The following NBPF15 variants were observed in gnomAD, a reference collection of about 807,000 sequenced individuals.
NBPF15 encodes NBPF member 15, also known as NBPF family member NBPF15.
NBPF15 carries 74 observed loss-of-function variants against 62.2 expected under a neutral mutation model. The observed-to-expected ratio is 1.19, with a 90% CI of 0.99 to 1.44. The LOEUF is 1.44. Ranked by LOEUF, NBPF15 falls within the 40% of genes most tolerant of loss-of-function variation. NBPF15 has a pLI of 0.00. For synonymous variants in NBPF15, 244 were observed against 209.7 expected, an observed-to-expected ratio of 1.16 and a Z score of -1.41; for missense variants, 790 against 550.0, an observed-to-expected ratio of 1.44 and a Z score of -4.36.
chr1:144,426,905 G>A, intron 17 of NBPF15, 142 bp downstream of exon 17: 1 of 571,108 alleles, frequency 1.8e-6, no homozygotes, highest in Non-Finnish European at 3.1e-6. Flanking sequence ...AACATCTACT[G>A]CAATGAAAAC....
At chr1:144,427,766 C>A (rs1190894554) in intron 16 of NBPF15, 52 bp downstream of exon 16, 7 of 611,254 alleles carry the variant, frequency 1.1e-5, no homozygotes, top group Non-Finnish European at 1.4e-5. Flanking sequence ...GGAATATGAC[C>A]CTAACCAGAA....
chr1:144,424,127 T>A (rs1331396022), intron 20 of NBPF15, among the ~76,000 whole-genome samples, 152 bp from the exon 21 acceptor site: 1 of 152,052 alleles, frequency 6.6e-6, no homozygotes. Flanking sequence ...TGAAGGCTGG[T>A]CATGATATAA....
At position 144,424,729 on chromosome 1, in the gene NBPF15, A is replaced by G; in HGVS notation, c.1624T>C (p.Leu542=). ...CQPYGSSFYA[L]EEKHVGFSLD... Reference sequence around the variant, plus strand: ...GAAAAGCCAACATGTTTTTCCTCCAATGCATAAAAGGAACTTCCATAGGGC... The same window carrying G: ...GAAAAGCCAACATGTTTTTCCTCCAGTGCATAAAAGGAACTTCCATAGGGC... Residue 542 remains leucine, a synonymous_variant, in exon 20 of 22, where the codon TTG becomes CTG. Coordinates refer to ENST00000581897, the MANE Select transcript of NBPF15 (RefSeq NM_001385408.1). 1 of 607,808 alleles carries G rather than the reference A, an allele frequency of 1.6e-6. No homozygotes were observed. The highest frequency in any genetic ancestry group is 2.9e-6 in the Non-Finnish European group (1 of 350,238). 37.7% of individuals were successfully genotyped at this position (607,808 alleles called of 1,614,324 possible).
chr1:144,450,578 A>G (rs1394791183), intron 5 of NBPF15, among the ~76,000 whole-genome samples, 194 bp downstream of exon 5: 1 of 150,462 alleles, frequency 6.6e-6, no homozygotes, highest in African/African-American at 2.5e-5. Flanking sequence ...GAACCCGGCC[A>G]CTTCATTCCA....
intron 17 of NBPF15, 102 bp downstream of exon 17, chr1:144,426,945 C>T: frequency 1.6e-6 from 1 of 614,200 alleles, no homozygotes; most frequent in South Asian, 1.9e-5. Context: ...AGTAATTCAA[C>T]CTTCGTTGAA....
At chr1:144,439,199 G>T (rs1421250442) in intron 8 of NBPF15, among the ~76,000 whole-genome samples, 4 of 151,646 alleles carry the variant, frequency 2.6e-5, no homozygotes, top group African/African-American at 9.7e-5. Context: ...GCCCAGGCTG[G>T]TCTCAAACTC....
Position 144,427,969 on chromosome 1 carries a change from A to G in NBPF15, c.1062T>C (p.Asp354=), listed in dbSNP as rs1279448973. 1.3e-6 allele frequency: 1 copy of G among 778,348 alleles called. No homozygotes were observed. The highest frequency in any genetic ancestry group is 2.4e-6 in the Non-Finnish European group (1 of 421,844). The allele number at this position is 778,348 out of a possible 1,614,324, so 48.2% of individuals were successfully genotyped here. Residue 354 remains aspartate, a synonymous_variant, in exon 16 of 22, where the codon GAT becomes GAC. Coordinates refer to ENST00000581897, the MANE Select transcript of NBPF15 (RefSeq NM_001385408.1). ...TGPRLSRELL[D]EKEPEVLQDS... ...CCTGCAAGACTTCAGGCTCTTTCTC[A>G]TCCAGCAGCTCCCTGCTGAGCCTGG...
In NBPF15 at chr1:144,423,383, A is replaced by G; in HGVS notation, c.1770-127T>C. The G allele has an allele frequency of 1.9e-6, 3 of 1,539,820 alleles. No homozygotes were observed. The South Asian group carries it at 3.6e-5, about 19-fold the overall frequency. ...AAAGGATAGATTCATTAATGAGGTAAAAAAAAAAAATTTATTGCCTTTATG... is the reference window on the plus strand; with the variant it reads ...AAAGGATAGATTCATTAATGAGGTAGAAAAAAAAAATTTATTGCCTTTATG... On this transcript the variant is annotated intron_variant, in intron 21 of 21. Coordinates refer to ENST00000581897, the MANE Select transcript of NBPF15 (RefSeq NM_001385408.1).
At chr1:144,429,077 T>G (rs1354828495) in intron 14 of NBPF15, among the ~76,000 whole-genome samples, 1 of 151,894 alleles carries the variant, frequency 6.6e-6, no homozygotes. Flanking sequence ...TACCAGCTCT[T>G]GAGTCAAAAT....
intron 8 of NBPF15, among the ~76,000 whole-genome samples, chr1:144,439,165 G>A (rs1342901333): frequency 4.0e-5 from 6 of 150,876 alleles, no homozygotes; most frequent in African/African-American, 1.2e-4. Context: ...TGTATTTTTA[G>A]TGGAGATGGG....
rs1285455919 is a variant in NBPF15 at position 144,439,828 on chromosome 1, C to T, written c.175+1G>A. 53 of 1,595,902 alleles carry T rather than the reference C, an allele frequency of 3.3e-5. No individual in the cohort carries two copies. The highest frequency in any genetic ancestry group is 9.9e-5 in the South Asian group (9 of 90,700). ...CATGACGGTGAGCCTATAGATCTTA[C>T]TGTATTTCTTCTGTCGGTTGGCCAG... On this transcript the variant is annotated splice_donor_variant, in intron 8 of 21. Coordinates refer to ENST00000581897, the MANE Select transcript of NBPF15 (RefSeq NM_001385408.1). LOFTEE classifies it high-confidence loss of function.
Position 144,448,068 on chromosome 1 carries a change from C to T in NBPF15, c.-191+707G>A, listed in dbSNP as rs188107661. ...CTTCTTCACCTTTTCAATAAACCTG[C>T]CTGAATTAAAGCTGATGGGAGTTTA... On this transcript the variant is annotated intron_variant, in intron 6 of 21. Transcript: ENST00000581897. Among the ~76,000 whole-genome samples, 287 of 152,138 alleles carry T rather than the reference C, an allele frequency of 1.9e-3. 1 individual carries two copies. The highest frequency in any genetic ancestry group is 6.5e-3 in the African/African-American group (269 of 41,498).
At chr1:144,444,582 G>A (rs1233177259) in intron 6 of NBPF15, among the ~76,000 whole-genome samples, 2 of 151,828 alleles carry the variant, frequency 1.3e-5, no homozygotes, top group African/African-American at 4.8e-5. Context: ...CCAGAGGAAG[G>A]TCTTCAGGAC....
At chr1:144,447,878 C>T (rs1198993959) in intron 6 of NBPF15, among the ~76,000 whole-genome samples, 2 of 151,984 alleles carry the variant, frequency 1.3e-5, no homozygotes, top group Non-Finnish European at 2.9e-5. Context: ...GAAGAGTACA[C>T]AGAGACTGCC....
chr1:144,455,822 C>T (rs1418950627), intron 4 of NBPF15, among the ~76,000 whole-genome samples: 3 of 151,872 alleles, frequency 2.0e-5, no homozygotes, highest in African/African-American at 7.3e-5. Flanking sequence ...CTGAGATTTA[C>T]TCGTTATGGG....
Position 144,444,187 on chromosome 1 carries a change from G to A in NBPF15, c.-190-3892C>T, listed in dbSNP as rs1176390997. Among the ~76,000 whole-genome samples the A allele has an allele frequency of 1.8e-3, 266 of 150,324 alleles. 1 individual carries two copies. Among genetic ancestry groups the A allele is most frequent in the African/African-American group, 6.1e-3 (246 of 40,536 alleles). On this transcript the variant is annotated intron_variant, in intron 6 of 21. Transcript: ENST00000581897. ...AAGAAACTATCATGAACATCCATAC[G>A]TGGCAGGCCAGGTCTCACTAACACA...
chr1:144,455,852 G>A (rs587769843), intron 4 of NBPF15, among the ~76,000 whole-genome samples: 4 of 151,896 alleles, frequency 2.6e-5, no homozygotes, highest in South Asian at 4.2e-4. Flanking sequence ...CCAGAGCAGG[G>A]CATGGTACCT....
At chr1:144,456,121 TG>T (rs1359244023) in intron 4 of NBPF15, among the ~76,000 whole-genome samples, 2 of 148,246 alleles carry the variant, frequency 1.3e-5, no homozygotes, top group Non-Finnish European at 3.0e-5. Flanking sequence ...GGCCTTAGCC[TG>T]GGGGATGCGG....
intron 12 of NBPF15, among the ~76,000 whole-genome samples, chr1:144,434,784 G>A (rs76843254): frequency 2.2e-4 from 34 of 151,172 alleles, no homozygotes; most frequent in African/African-American, 6.9e-4. Flanking sequence ...AACTCCATGG[G>A]CATTGTTCAG....
Sources: allele counts gnomAD v4.1 joint callset (sites outside exome capture counted in the v4.1 genomes callset), GRCh38; gene constraint gnomAD v4.1.1; transcripts MANE v1.5; gene names NCBI Gene and HGNC (gene_info 2026-07-23, HGNC 2026-07-21).